HS3ST4: variants seen among roughly 807,000 people sequenced by gnomAD.
HS3ST4 encodes the protein heparan sulfate-glucosamine 3-sulfotransferase 4.
Under a neutral mutation model 29.2 loss-of-function variants are expected in HS3ST4, and 17 were observed. The observed-to-expected ratio is 0.58, with a 90% confidence interval of 0.40 to 0.87. HS3ST4 has a LOEUF of 0.87. Ranked by LOEUF, HS3ST4 falls within the 40% of genes least tolerant of loss-of-function variation. HS3ST4 has a pLI of 0.00. For missense variants in HS3ST4, 627 were observed against 634.5 expected, an observed-to-expected ratio of 0.99 and a Z score of 0.13; for synonymous variants, 314 against 285.7, an observed-to-expected ratio of 1.10 and a Z score of -1.00.
chr16:26,134,366 T>TC (rs1567320110), intron 1 of HS3ST4, among the ~76,000 whole-genome samples: 2 of 146,962 alleles, frequency 1.4e-5, no homozygotes, highest in Non-Finnish European at 3.0e-5. Context: ...TCTTTTCTTT[T>TC]TTTTTTTTTT....
chr16:26,100,287 A>G (rs192098982), intron 1 of HS3ST4, among the ~76,000 whole-genome samples: 1 of 152,328 alleles, frequency 6.6e-6, no homozygotes, highest in East Asian at 1.9e-4. Flanking sequence ...TCCTGGATCT[A>G]AAATAAAAAT....
chr16:25,937,006 T>G (rs1256035367), intron 1 of HS3ST4, among the ~76,000 whole-genome samples: 2 of 152,198 alleles, frequency 1.3e-5, no homozygotes, highest in Non-Finnish European at 2.9e-5. Context: ...TCAGATTTTG[T>G]GCTTTGGATA....
At chr16:25,849,254 G>A (rs963192387) in intron 1 of HS3ST4, among the ~76,000 whole-genome samples, 2 of 152,006 alleles carry the variant, frequency 1.3e-5, no homozygotes, top group African/African-American at 4.8e-5. Context: ...TATATTTTCT[G>A]GGTACAAATA....
rs144826003 is a variant in HS3ST4 at position 25,856,456 on chromosome 16, A to G, written c.734+163305A>G. ...GAAACCTGCATAACAAAATCCCTAA[A>G]TGATAGTGGGGTTTGGGGAGCTTTT... On this transcript the variant is annotated intron_variant, in intron 1 of 1. Transcript: ENST00000331351. Among the ~76,000 whole-genome samples, 13 of 152,226 alleles carry G rather than the reference A, an allele frequency of 8.5e-5. No homozygotes were observed. The East Asian group carries it at 2.3e-3, about 27-fold the overall frequency.
intron 1 of HS3ST4, among the ~76,000 whole-genome samples, chr16:26,011,678 G>T (rs28642134): frequency 2.4e-4 from 22 of 91,546 alleles, no homozygotes; most frequent in African/African-American, 1.8e-3. Context: ...GTATATGTTT[G>T]TGTGTGTGTG....
rs1303592877 is a variant in HS3ST4 at position 26,136,104 on chromosome 16, A to G, written c.1227A>G (p.Leu409=). Residue 409 remains leucine, a synonymous_variant, in exon 2 of 2, where the codon TTA becomes TTG. Transcript: ENST00000331351. The part of the protein sequence containing the change: ...KPEDSSAPRC[L]GKSKGRTHPR... ...AAGACAGCAGTGCCCCGAGGTGCTT[A>G]GGCAAGAGCAAAGGTCGGACTCATC... 6.2e-7 allele frequency: 1 copy of G among 1,613,754 alleles called. No homozygotes were observed. Among genetic ancestry groups the G allele is most frequent in the Admixed American group, 1.7e-5 (1 of 60,000 alleles).
At chr16:25,724,091 C>A (rs1045674410) in intron 1 of HS3ST4, among the ~76,000 whole-genome samples, 1 of 120,224 alleles carries the variant, frequency 8.3e-6, no homozygotes. Flanking sequence ...TCCAGCCTGG[C>A]GACAGAGCGA....
intron 1 of HS3ST4, among the ~76,000 whole-genome samples, chr16:26,077,939 G>A (rs1227470802): frequency 6.6e-6 from 1 of 152,140 alleles, no homozygotes; most frequent in Admixed American, 6.5e-5. Context: ...GCCAGGCTTG[G>A]CGGTACACAC....
At chr16:25,811,429 T>C (rs1197247718) in intron 1 of HS3ST4, among the ~76,000 whole-genome samples, 2 of 88,658 alleles carry the variant, frequency 2.3e-5, no homozygotes, top group East Asian at 7.4e-4. Flanking sequence ...CTTCTTTTTT[T>C]TTTTTTCTTT....
chr16:25,954,930 A>G (rs1445425535), intron 1 of HS3ST4, among the ~76,000 whole-genome samples: 2 of 152,214 alleles, frequency 1.3e-5, no homozygotes, highest in East Asian at 1.9e-4. Context: ...AGACCAATGA[A>G]TATGCTTATG....
chr16:25,701,143 A>G (rs1202067507), intron 1 of HS3ST4, among the ~76,000 whole-genome samples: 1 of 152,204 alleles, frequency 6.6e-6, no homozygotes, highest in African/African-American at 2.4e-5. Context: ...TCATTCTCAG[A>G]CAGGCTGTCT....
chr16:25,860,424 T>G (rs879749733), intron 1 of HS3ST4, among the ~76,000 whole-genome samples: 13 of 152,158 alleles, frequency 8.5e-5, no homozygotes, highest in Non-Finnish European at 1.9e-4. Flanking sequence ...TATAACAGCT[T>G]TATTCATAGT....
At chr16:25,768,222 A>C (rs1425592683) in intron 1 of HS3ST4, among the ~76,000 whole-genome samples, 1 of 152,198 alleles carries the variant, frequency 6.6e-6, no homozygotes, top group African/African-American at 2.4e-5. Flanking sequence ...ATGCATGTCT[A>C]AATCAATATG....
Position 25,867,200 on chromosome 16 carries a change from A to G in HS3ST4, c.734+174049A>G, listed in dbSNP as rs560237978. 7.9e-5 allele frequency among the ~76,000 whole-genome samples: 12 copies of G among 152,224 alleles called. No individual in the cohort carries two copies. The South Asian group carries it at 2.5e-3, about 32-fold the overall frequency. On this transcript the variant is annotated intron_variant, in intron 1 of 1. Transcript: ENST00000331351. Reference sequence around the variant, plus strand: ...TAAACCTTATGTCCACCCCAGATCCAGGGCTGGTTTACAGAGAGCAATAGC... The same window carrying G: ...TAAACCTTATGTCCACCCCAGATCCGGGGCTGGTTTACAGAGAGCAATAGC...
intron 1 of HS3ST4, among the ~76,000 whole-genome samples, chr16:25,841,691 T>C (rs1489216809): frequency 6.6e-6 from 1 of 152,210 alleles, no homozygotes; most frequent in Non-Finnish European, 1.5e-5. Context: ...CTTGTGTCAT[T>C]AGATTCACCT....
At chr16:26,069,300 A>G (rs960808098) in intron 1 of HS3ST4, among the ~76,000 whole-genome samples, 4 of 152,162 alleles carry the variant, frequency 2.6e-5, no homozygotes, top group Non-Finnish European at 5.9e-5. Context: ...AAGAAATGGT[A>G]TCTATTTCTA....
chr16:25,898,764 G>T (rs1968094730), intron 1 of HS3ST4, among the ~76,000 whole-genome samples: 1 of 152,186 alleles, frequency 6.6e-6, no homozygotes, highest in Non-Finnish European at 1.5e-5. Context: ...CTCTCTTTGT[G>T]CTAAAAATGG....
intron 1 of HS3ST4, among the ~76,000 whole-genome samples, chr16:25,924,186 A>C (rs1212865999): frequency 6.6e-6 from 1 of 152,182 alleles, no homozygotes; most frequent in East Asian, 1.9e-4. Context: ...AAATTCTGAG[A>C]TTCATCTTGG....
chr16:26,063,295 C>T (rs887678858), intron 1 of HS3ST4, among the ~76,000 whole-genome samples: 1 of 152,128 alleles, frequency 6.6e-6, no homozygotes, highest in African/African-American at 2.4e-5. Context: ...CTCCCCAACC[C>T]CTTCCATTGG....
Sources: allele counts gnomAD v4.1 joint callset (sites outside exome capture counted in the v4.1 genomes callset), GRCh38; gene constraint gnomAD v4.1.1; transcripts MANE v1.5; gene names NCBI Gene and HGNC (gene_info 2026-07-23, HGNC 2026-07-21).